Variants in NRIP1 observed in about 807,000 individuals in gnomAD.
NRIP1 encodes nuclear receptor-interacting protein 1.
In NRIP1, 28 loss-of-function variants were observed where a neutral mutation model predicts 75.0. The ratio of observed to expected loss-of-function variants is 0.37; its 90% confidence interval spans 0.28 to 0.51. The LOEUF is 0.51. Among genes scored for constraint, NRIP1 ranks in the 20% least tolerant of loss-of-function variants. The pLI is 0.92. For synonymous variants in NRIP1, 526 were observed against 487.6 expected (o/e 1.08, Z -1.04); for missense variants, 1,435 against 1,343.7 (o/e 1.07, Z -1.06).
chr21:15,000,336 T>C, intron 3 of NRIP1, among the ~76,000 whole-genome samples: 1 of 152,166 alleles, frequency 6.6e-6, no homozygotes, highest in South Asian at 2.1e-4. Flanking sequence ...TGAGGATTCC[T>C]TATTCATGTG....
At chr21:15,031,879 T>C (rs568426655) in intron 2 of NRIP1, among the ~76,000 whole-genome samples, 3 of 151,224 alleles carry the variant, frequency 2.0e-5, no homozygotes, top group South Asian at 2.1e-4. Context: ...GTGTATACAC[T>C]CTGGAAGGTG....
At chr21:14,971,256 C>T (rs551738851) in intron 3 of NRIP1, among the ~76,000 whole-genome samples, 1 of 152,260 alleles carries the variant, frequency 6.6e-6, no homozygotes, top group African/African-American at 2.4e-5. Context: ...TTAAGTTATT[C>T]AATGACCAAA....
intron 1 of NRIP1, chr21:15,052,339 C>T (rs950286993): frequency 1.3e-5 from 2 of 152,174 alleles, no homozygotes; most frequent in African/African-American, 4.8e-5. Context: ...TTATCCTTCG[C>T]CATCCTCTAG....
intron 1 of NRIP1, among the ~76,000 whole-genome samples, chr21:15,061,693 C>A (rs1057315457): frequency 3.3e-5 from 5 of 152,194 alleles, no homozygotes; most frequent in Non-Finnish European, 7.4e-5. Context: ...ACTATTACTG[C>A]TTTTCCCAAA....
intron 3 of NRIP1, among the ~76,000 whole-genome samples, chr21:15,007,257 T>C (rs564610680): frequency 6.6e-6 from 1 of 152,218 alleles, no homozygotes; most frequent in African/African-American, 2.4e-5. Context: ...AAGAAGAAAC[T>C]GTAGATCAGT....
intron 2 of NRIP1, among the ~76,000 whole-genome samples, chr21:15,025,760 G>A (rs1306944485): frequency 9.9e-5 from 15 of 152,024 alleles, no homozygotes; most frequent in Admixed American, 9.8e-4. Flanking sequence ...TTCATAACAT[G>A]GATCTAATCA....
At chr21:15,019,348 C>T (rs1479465721) in intron 2 of NRIP1, among the ~76,000 whole-genome samples, 1 of 149,748 alleles carries the variant, frequency 6.7e-6, no homozygotes, top group Non-Finnish European at 1.5e-5. Context: ...CAAAATTATC[C>T]TTATATGCAG....
intron 1 of NRIP1, among the ~76,000 whole-genome samples, chr21:15,055,092 T>C (rs1462539972): frequency 6.6e-6 from 1 of 152,166 alleles, no homozygotes; most frequent in Non-Finnish European, 1.5e-5. Flanking sequence ...CAACGTGCAC[T>C]TGGTTCATGG....
chr21:14,981,001 G>A (rs2087218136), intron 3 of NRIP1, among the ~76,000 whole-genome samples: 1 of 152,126 alleles, frequency 6.6e-6, no homozygotes, highest in Admixed American at 6.5e-5. Context: ...GAAGTTTCCA[G>A]TCAAGCTGTG....
chr21:14,983,430 C>CGGCAGAGGT (rs1304192489), intron 3 of NRIP1, among the ~76,000 whole-genome samples: 2 of 152,058 alleles, frequency 1.3e-5, no homozygotes, highest in Non-Finnish European at 1.5e-5. Flanking sequence ...GGTGAGGAAG[C>CGGCAGAGGT]GGCAGAGGTG....
intron 3 of NRIP1, among the ~76,000 whole-genome samples, chr21:15,011,502 T>A (rs1460912213): frequency 2.0e-5 from 3 of 152,048 alleles, no homozygotes; most frequent in African/African-American, 7.2e-5. Flanking sequence ...TGGCCCTTTT[T>A]TAAAAAAAAA....
intron 1 of NRIP1, among the ~76,000 whole-genome samples, chr21:15,055,937 TA>T (rs1252839911): frequency 1.3e-5 from 2 of 148,926 alleles, no homozygotes; most frequent in Non-Finnish European, 1.5e-5. Flanking sequence ...CCCTGGCAAT[TA>T]AAAAAAAAGA....
intron 1 of NRIP1, among the ~76,000 whole-genome samples, chr21:15,059,144 T>A (rs75663194): frequency 6.5e-4 from 99 of 152,218 alleles, no homozygotes; most frequent in African/African-American, 2.2e-3. Context: ...TCAACCAGAG[T>A]TGTCTTGGTC....
chr21:15,000,266 C>A (rs2087820814), intron 3 of NRIP1, among the ~76,000 whole-genome samples: 1 of 152,092 alleles, frequency 6.6e-6, no homozygotes, highest in Non-Finnish European at 1.5e-5. Context: ...CAGATTGAAA[C>A]CACAAATAGC....
At chr21:15,013,689 T>C (rs2088162484) in intron 3 of NRIP1, among the ~76,000 whole-genome samples, 2 of 152,316 alleles carry the variant, frequency 1.3e-5, no homozygotes, top group East Asian at 1.9e-4. Context: ...TTAATCCAAG[T>C]AGAATTAACC....
intron 3 of NRIP1, among the ~76,000 whole-genome samples, chr21:14,995,408 T>C (rs992030920): frequency 6.6e-6 from 1 of 152,200 alleles, no homozygotes; most frequent in African/African-American, 2.4e-5. Context: ...GAAATGCACA[T>C]GTAGGCCTAT....
chr21:15,043,043 G>A (rs948019155), intron 2 of NRIP1, among the ~76,000 whole-genome samples: 2 of 152,144 alleles, frequency 1.3e-5, no homozygotes, highest in East Asian at 1.9e-4. Context: ...GTCTGTCCAC[G>A]GACTCTGATG....
At chr21:14,989,592 G>A (rs2087512168) in intron 3 of NRIP1, among the ~76,000 whole-genome samples, 1 of 152,190 alleles carries the variant, frequency 6.6e-6, no homozygotes, top group Non-Finnish European at 1.5e-5. Flanking sequence ...GGCTGAACAT[G>A]TCCTTTCCTC....
intron 2 of NRIP1, among the ~76,000 whole-genome samples, chr21:15,030,923 G>GTATACACTC (rs2088647594): frequency 7.5e-6 from 1 of 132,706 alleles, no homozygotes; most frequent in Non-Finnish European, 1.8e-5. Context: ...CTTTCTATGT[G>GTATACACTC]TGTACACTCT....
Sources: allele counts gnomAD v4.1 joint callset (sites outside exome capture counted in the v4.1 genomes callset), GRCh38; gene constraint gnomAD v4.1.1; transcripts MANE v1.5; gene names NCBI Gene and HGNC (gene_info 2026-07-23, HGNC 2026-07-21).